OCA2: variants seen among roughly 807,000 people sequenced by gnomAD.
The protein encoded by OCA2 is P protein.
Under a neutral mutation model 100.2 loss-of-function variants are expected in OCA2, and 77 were observed. The ratio of observed to expected loss-of-function variants is 0.77; its 90% CI spans 0.64 to 0.93. The LOEUF (loss-of-function observed/expected upper bound fraction) is 0.93. Ranked by LOEUF, OCA2 falls within the 40% of genes least tolerant of loss-of-function variation. The probability of loss-of-function intolerance (pLI) is 0.00; values close to 1 mark genes in which losing one functional copy is unlikely to be tolerated. For missense variants in OCA2, 1,062 were observed against 1,089.1 expected, an observed-to-expected ratio of 0.98 and a Z score of 0.35; for synonymous variants, 432 against 439.2, an observed-to-expected ratio of 0.98 and a Z score of 0.21.
At chr15:27,988,036 C>A (rs1328899122) in intron 11 of OCA2, among the ~76,000 whole-genome samples, 11 of 152,066 alleles carry the variant, frequency 7.2e-5, no homozygotes, top group African/African-American at 2.7e-4. Flanking sequence ...GGGCTTCGCA[C>A]ACCAATGTAG....
chr15:27,889,145 T>C (rs2037351810), intron 19 of OCA2, among the ~76,000 whole-genome samples: 1 of 152,184 alleles, frequency 6.6e-6, no homozygotes, highest in Non-Finnish European at 1.5e-5. Context: ...ATTGAGGCTT[T>C]CTAGTAACCA....
chr15:27,882,207 T>C (rs1423706293), intron 19 of OCA2, among the ~76,000 whole-genome samples: 4 of 152,198 alleles, frequency 2.6e-5, no homozygotes. Context: ...ACTCCAATTT[T>C]TGGTCGTGTT....
chr15:27,966,919 G>A (rs1030136281), intron 14 of OCA2, 97 bp from the exon 15 acceptor site: 8 of 1,318,544 alleles, frequency 6.1e-6, no homozygotes, highest in Middle Eastern at 2.6e-4. Context: ...CACGAGGTCC[G>A]GAGATGGAGA....
intron 23 of OCA2, among the ~76,000 whole-genome samples, chr15:27,799,571 C>A (rs2033499790): frequency 6.6e-6 from 1 of 151,922 alleles, no homozygotes; most frequent in Admixed American, 6.6e-5. Context: ...ATCGTGAAAT[C>A]CCATCTCTAC....
chr15:28,066,687 G>T (rs1444698748), intron 2 of OCA2, among the ~76,000 whole-genome samples: 1 of 152,098 alleles, frequency 6.6e-6, no homozygotes, highest in Non-Finnish European at 1.5e-5. Flanking sequence ...TCTAAATTCT[G>T]TAGAGAATCC....
chr15:27,861,606 G>T (rs1368656303), intron 21 of OCA2, among the ~76,000 whole-genome samples: 1 of 152,084 alleles, frequency 6.6e-6, no homozygotes, highest in Admixed American at 6.5e-5. Flanking sequence ...TCTGAGGGGT[G>T]GCCTCCATGT....
intron 19 of OCA2, among the ~76,000 whole-genome samples, chr15:27,879,868 C>T (rs7402740): frequency 1.3e-5 from 2 of 151,804 alleles, no homozygotes; most frequent in Non-Finnish European, 2.9e-5. Context: ...AGATCCCATT[C>T]GTCAATTTTT....
intron 23 of OCA2, among the ~76,000 whole-genome samples, chr15:27,844,014 G>A (rs1174628186): frequency 3.3e-5 from 5 of 152,178 alleles, no homozygotes; most frequent in Admixed American, 6.5e-5. Flanking sequence ...AAACTTGCTC[G>A]ACACCAAATA....
At chr15:27,778,544 T>C in intron 23 of OCA2, among the ~76,000 whole-genome samples, 1 of 152,208 alleles carries the variant, frequency 6.6e-6, no homozygotes, top group East Asian at 1.9e-4. Flanking sequence ...ATATCTGTTT[T>C]TAAAGCTATA....
intron 23 of OCA2, among the ~76,000 whole-genome samples, chr15:27,758,979 T>C (rs1291024990): frequency 2.0e-5 from 3 of 152,114 alleles, no homozygotes; most frequent in African/African-American, 7.2e-5. Flanking sequence ...CTAAAAAGGC[T>C]AGGCACCCCC....
At chr15:28,053,101 A>G (rs2043567485) in intron 2 of OCA2, among the ~76,000 whole-genome samples, 1 of 152,236 alleles carries the variant, frequency 6.6e-6, no homozygotes, top group South Asian at 2.1e-4. Context: ...TGGAAAGGCC[A>G]TTCTGATATA....
chr15:27,828,023 T>C (rs910610818), intron 23 of OCA2, among the ~76,000 whole-genome samples: 1 of 152,216 alleles, frequency 6.6e-6, no homozygotes, highest in Non-Finnish European at 1.5e-5. Flanking sequence ...GTGACGATTT[T>C]TTCTTAGGCA....
At chr15:27,895,773 A>C in intron 19 of OCA2, 1 of 365,396 alleles carries the variant, frequency 2.7e-6, no homozygotes, top group Admixed American at 3.2e-5. Flanking sequence ...AGAAGACGGC[A>C]AGAGGGTGAA....
the OCA2 span, among the ~76,000 whole-genome samples, chr15:27,730,580 C>T: frequency 1.1e-4 from 17 of 149,286 alleles, no homozygotes; most frequent in East Asian, 2.3e-3. Flanking sequence ...CCTCTAATCA[C>T]GCCTTGGTGT....
At chr15:28,085,392 C>T (rs1356337336) in intron 1 of OCA2, among the ~76,000 whole-genome samples, 1 of 152,098 alleles carries the variant, frequency 6.6e-6, no homozygotes, top group Non-Finnish European at 1.5e-5. Context: ...AGAAGAGATG[C>T]CCCAAAGAAG....
chr15:27,942,239 CATACGATATACATAATAT>C (rs1163560458), intron 18 of OCA2, among the ~76,000 whole-genome samples: 2 of 147,894 alleles, frequency 1.4e-5, no homozygotes, highest in Admixed American at 6.8e-5. Context: ...ATATGATATA[CATACGATATACATAATAT>C]ATATGATATA....
chr15:28,049,333 G>A (rs979752128), intron 2 of OCA2, among the ~76,000 whole-genome samples: 1 of 152,190 alleles, frequency 6.6e-6, no homozygotes, highest in African/African-American at 2.4e-5. Flanking sequence ...AAATGTTGGT[G>A]AGTATATAGA....
intron 1 of OCA2, among the ~76,000 whole-genome samples, chr15:28,083,019 A>G (rs979941093): frequency 3.5e-4 from 53 of 152,190 alleles, no homozygotes; most frequent in African/African-American, 1.3e-3. Context: ...GTTGCTGGGA[A>G]GCCAGGACTG....
At chr15:28,050,401 G>A (rs564764318) in intron 2 of OCA2, among the ~76,000 whole-genome samples, 58 of 151,942 alleles carry the variant, frequency 3.8e-4, no homozygotes, top group African/African-American at 1.4e-3. Flanking sequence ...TACTAAAAAC[G>A]CAAAAATTAG....
Sources: gnomAD v4.1 joint callset for allele counts (sites outside exome capture counted in the v4.1 genomes callset) on GRCh38, gnomAD v4.1.1 for gene constraint, MANE v1.5 for transcripts, NCBI Gene and HGNC (gene_info 2026-07-23, HGNC 2026-07-21) for gene names.